UVRAG: variants seen among roughly 807,000 people sequenced by gnomAD.
The protein encoded by UVRAG is UV radiation resistance associated.
Under a neutral mutation model 78.0 loss-of-function variants are expected in UVRAG, and 19 were observed. The ratio of observed to expected loss-of-function variants is 0.24; its 90% CI spans 0.17 to 0.36. UVRAG has a LOEUF of 0.36. UVRAG is among the 10% of genes least tolerant of loss of function. The pLI is 1.00. For synonymous variants in UVRAG, 323 were observed against 324.6 expected (o/e 1.00, Z 0.05); for missense variants, 740 against 853.8 (o/e 0.87, Z 1.66).
At chr11:76,083,165 A>C (rs1951529900) in intron 13 of UVRAG, among the ~76,000 whole-genome samples, 1 of 152,228 alleles carries the variant, frequency 6.6e-6, no homozygotes, top group South Asian at 2.1e-4. Flanking sequence ...AGAGTGTCTT[A>C]TTCTTTATTC....
At chr11:76,102,576 GT>G (rs1951896308) in intron 13 of UVRAG, among the ~76,000 whole-genome samples, 1 of 152,064 alleles carries the variant, frequency 6.6e-6, no homozygotes. Flanking sequence ...CTCTTGCCCA[GT>G]TGCTCTGGCC....
intron 6 of UVRAG, among the ~76,000 whole-genome samples, chr11:75,959,738 G>A (rs1393718743): frequency 6.6e-6 from 1 of 152,120 alleles, no homozygotes; most frequent in Non-Finnish European, 1.5e-5. Flanking sequence ...CTAGTTTTTG[G>A]CTTATCTTGG....
intron 7 of UVRAG, among the ~76,000 whole-genome samples, chr11:75,980,633 A>G (rs545920272): frequency 6.7e-6 from 1 of 150,126 alleles, no homozygotes; most frequent in South Asian, 2.1e-4. Flanking sequence ...CTTTCTTCAT[A>G]TTAGTAAATT....
At chr11:76,053,786 A>G (rs536399566) in intron 12 of UVRAG, among the ~76,000 whole-genome samples, 2 of 152,252 alleles carry the variant, frequency 1.3e-5, no homozygotes, top group South Asian at 4.1e-4. Context: ...CCTGGCCAAC[A>G]TGGTGAAACC....
At chr11:75,929,781 A>G (rs1370818033) in intron 6 of UVRAG, among the ~76,000 whole-genome samples, 1 of 152,184 alleles carries the variant, frequency 6.6e-6, no homozygotes, top group Non-Finnish European at 1.5e-5. Flanking sequence ...TGTTAAATTT[A>G]TAAGGAATAA....
intron 4 of UVRAG, among the ~76,000 whole-genome samples, chr11:75,881,033 T>G (rs1946934260): frequency 7.0e-6 from 1 of 142,238 alleles, no homozygotes; most frequent in Non-Finnish European, 1.5e-5. Flanking sequence ...AGCCTCAAAC[T>G]CCTGGGTTCA....
intron 7 of UVRAG, among the ~76,000 whole-genome samples, chr11:75,969,896 C>G (rs186785389): frequency 2.6e-4 from 40 of 152,296 alleles, no homozygotes; most frequent in African/African-American, 9.1e-4. Flanking sequence ...CTAACCTTTT[C>G]CTTTTAAAGT....
At chr11:75,876,669 C>T (rs1417874874) in intron 3 of UVRAG, among the ~76,000 whole-genome samples, 2 of 142,498 alleles carry the variant, frequency 1.4e-5, no homozygotes, top group African/African-American at 5.2e-5. Flanking sequence ...ATTTCAGTGT[C>T]CTCTCCCACC....
At chr11:76,051,592 T>C (rs1159493079) in intron 12 of UVRAG, among the ~76,000 whole-genome samples, 1 of 152,168 alleles carries the variant, frequency 6.6e-6, no homozygotes, top group Non-Finnish European at 1.5e-5. Flanking sequence ...TTTTTAACCT[T>C]CTTACTAAAA....
intron 14 of UVRAG, among the ~76,000 whole-genome samples, chr11:76,127,587 CTG>C (rs1952430505): frequency 6.7e-6 from 1 of 148,732 alleles, no homozygotes; most frequent in Non-Finnish European, 1.5e-5. Flanking sequence ...TGAGCCAAGA[CTG>C]TGCCATTGCA....
chr11:75,872,220 G>T (rs1391298042), intron 3 of UVRAG, among the ~76,000 whole-genome samples: 1 of 151,936 alleles, frequency 6.6e-6, no homozygotes, highest in African/African-American at 2.4e-5. Context: ...TCTTAAATAG[G>T]GGAAGATTAT....
intron 12 of UVRAG, among the ~76,000 whole-genome samples, chr11:76,050,249 C>G (rs746815322): frequency 6.6e-6 from 1 of 152,158 alleles, no homozygotes; most frequent in Non-Finnish European, 1.5e-5. Context: ...AGTTGGTTGT[C>G]TAGGTATATT....
At chr11:75,878,730 G>A (rs943385509) in intron 3 of UVRAG, among the ~76,000 whole-genome samples, 7 of 152,266 alleles carry the variant, frequency 4.6e-5, no homozygotes, top group East Asian at 1.9e-4. Flanking sequence ...GCGTGGCGGC[G>A]CGCGCCTGCA....
At chr11:76,062,508 G>A (rs151072486) in intron 12 of UVRAG, among the ~76,000 whole-genome samples, 254 of 152,204 alleles carry the variant, frequency 1.7e-3, no homozygotes, top group African/African-American at 5.9e-3. Flanking sequence ...AGAAAAAAAC[G>A]AATTCTTTTT....
At chr11:76,002,774 G>T (rs868069987) in intron 8 of UVRAG, among the ~76,000 whole-genome samples, 2 of 152,054 alleles carry the variant, frequency 1.3e-5, no homozygotes, top group Admixed American at 6.6e-5. Context: ...GAAGAGAAGG[G>T]TGCTTAAATA....
chr11:75,926,651 G>A (rs1359618174), intron 6 of UVRAG, among the ~76,000 whole-genome samples: 1 of 152,140 alleles, frequency 6.6e-6, no homozygotes, highest in Non-Finnish European at 1.5e-5. Context: ...CCTGGACTTT[G>A]TGTTCATTAG....
At chr11:75,959,768 A>G (rs1009269346) in intron 6 of UVRAG, among the ~76,000 whole-genome samples, 7 of 152,170 alleles carry the variant, frequency 4.6e-5, no homozygotes, top group Admixed American at 4.6e-4. Context: ...TGCCTTCCTC[A>G]GTAAGCTTTG....
At chr11:76,066,582 C>T (rs1951191255) in intron 13 of UVRAG, among the ~76,000 whole-genome samples, 1 of 152,116 alleles carries the variant, frequency 6.6e-6, no homozygotes, top group South Asian at 2.1e-4. Flanking sequence ...AAGTGATTCT[C>T]TTGCCTCAGC....
At chr11:76,109,427 C>T (rs1952031463) in intron 13 of UVRAG, among the ~76,000 whole-genome samples, 1 of 152,162 alleles carries the variant, frequency 6.6e-6, no homozygotes, top group Non-Finnish European at 1.5e-5. Context: ...TAATGACTAC[C>T]CTGTAAAAGT....
Sources: gnomAD v4.1 joint callset for allele counts (sites outside exome capture counted in the v4.1 genomes callset) on GRCh38, gnomAD v4.1.1 for gene constraint, MANE v1.5 for transcripts, NCBI Gene and HGNC (gene_info 2026-07-23, HGNC 2026-07-21) for gene names.